Variants in SS18L1 observed in about 807,000 individuals in gnomAD.
SS18L1 encodes the protein SS18L1 subunit of BAF chromatin remodeling complex.
In SS18L1, 32 loss-of-function variants were observed where a neutral mutation model predicts 70.3. The observed-to-expected ratio is 0.46, with a 90% CI of 0.34 to 0.61. SS18L1 has a LOEUF of 0.61. Ranked by LOEUF, SS18L1 falls within the 20% of genes least tolerant of loss-of-function variation. The probability of loss-of-function intolerance (pLI) is 0.01; values close to 1 mark genes in which losing one functional copy is unlikely to be tolerated. For missense variants in SS18L1, 430 were observed against 542.1 expected, an observed-to-expected ratio of 0.79 and a Z score of 2.05; for synonymous variants, 237 against 229.7, an observed-to-expected ratio of 1.03 and a Z score of -0.29.
chr20:62,166,011 A>G (rs532229683), intron 8 of SS18L1, among the ~76,000 whole-genome samples: 3 of 152,336 alleles, frequency 2.0e-5, no homozygotes, highest in African/African-American at 4.8e-5. Context: ...GCCGCCCTTC[A>G]TGGCGGTCCT....
intron 1 of SS18L1, among the ~76,000 whole-genome samples, chr20:62,150,737 T>C (rs757910102): frequency 1.4e-5 from 2 of 142,032 alleles, no homozygotes; most frequent in Non-Finnish European, 3.0e-5. Flanking sequence ...CGTGCAGCCT[T>C]GTCCTCCTGG....
Position 62,161,704 on chromosome 20 carries a change from T to G in SS18L1, c.376+124T>G, listed in dbSNP as rs766237482. On this transcript the variant is annotated intron_variant, in intron 4 of 10. Transcript: ENST00000331758. This position sits in a 1 kb window ranked among gnomAD's most constrained non-coding sequence, Gnocchi z 4.4. ...GGCTGGGCATGGGACCCACTCCTCC[T>G]GGGGTAGCCACAGGTCGGCTGCCAT... is the stretch of plus-strand genomic sequence containing the variant. The G allele has an allele frequency of 7.2e-7, 1 of 1,385,870 alleles. No homozygotes were observed. The highest frequency in any genetic ancestry group is 1.5e-5 in the African/African-American group (1 of 68,766). The allele number at this position is 1,385,870 out of a possible 1,614,324, so 85.8% of individuals were successfully genotyped here. A position where few individuals can be genotyped will look rare whatever the true frequency, so the allele number is the denominator to read the frequency against.
chr20:62,154,779 G>C (rs1234501625), intron 1 of SS18L1, among the ~76,000 whole-genome samples: 4 of 152,204 alleles, frequency 2.6e-5, no homozygotes, highest in East Asian at 1.9e-4. Flanking sequence ...CTTCAGCTCT[G>C]AGAAAATGAT....
chr20:62,160,618 G>A (rs892030198), intron 3 of SS18L1, among the ~76,000 whole-genome samples: 2 of 152,168 alleles, frequency 1.3e-5, no homozygotes, highest in African/African-American at 4.8e-5. Flanking sequence ...CAGTGAAGAC[G>A]AGGTCGTGCT....
In SS18L1 at chr20:62,179,388, GAC is replaced by G. The variant is rs2057674959; in HGVS notation, c.*182_*183del. 1.5e-6 allele frequency: 1 copy of G among 661,598 alleles called. No homozygotes were observed. Among genetic ancestry groups the G allele is most frequent in the South Asian group, 1.8e-5 (1 of 55,790 alleles). 41.0% of individuals were successfully genotyped at this position (661,598 alleles called of 1,614,324 possible). A position where few individuals can be genotyped will look rare whatever the true frequency, so the allele number is the denominator to read the frequency against. ...CGCCGAGCGCACACCACTGGCGTGA[GAC>G]AGCGCTTGGTGGTGTGATACTTTTG... On this transcript the variant is annotated 3_prime_UTR_variant, in exon 11 of 11. Transcript: ENST00000331758.
Position 62,174,108 on chromosome 20 carries a change from G to A in SS18L1, c.1037-409G>A, listed in dbSNP as rs1034388503. Among the ~76,000 whole-genome samples the A allele has an allele frequency of 2.6e-5, 4 of 152,148 alleles. No homozygotes were observed. The highest frequency in any genetic ancestry group is 4.4e-5 in the Non-Finnish European group (3 of 68,034). ...GACGATGTCTCTGTCTCACCTGCCT[G>A]CAGGTTTTCAGCAGCTCCCGTGGTA... On this transcript the variant is annotated intron_variant, in intron 9 of 10. Transcript: ENST00000331758. This position sits in a 1 kb window ranked among gnomAD's most constrained non-coding sequence, Gnocchi z 4.1.
At position 62,159,007 on chromosome 20, in the gene SS18L1, G is replaced by A. The variant is rs1220804360; in HGVS notation, c.146+259G>A. On this transcript the variant is annotated intron_variant, in intron 2 of 10. Coordinates refer to ENST00000331758, the MANE Select transcript of SS18L1 (RefSeq NM_198935.3). This position sits in a 1 kb window ranked among gnomAD's most constrained non-coding sequence, Gnocchi z 4.4. Reference sequence around the variant, plus strand: ...ATATGTCCCGAGAGTCCCCCAGCACGGAGGCCAGATATGTCCCGAGAGTCC... The same window carrying A: ...ATATGTCCCGAGAGTCCCCCAGCACAGAGGCCAGATATGTCCCGAGAGTCC... 6 of 1,462,502 alleles carry A rather than the reference G, an allele frequency of 4.1e-6. No homozygotes were observed. The highest frequency in any genetic ancestry group is 1.2e-5 in the South Asian group (1 of 86,244). The allele number at this position is 1,462,502 out of a possible 1,614,324, so 90.6% of individuals were successfully genotyped here. A position where few individuals can be genotyped will look rare whatever the true frequency, so the allele number is the denominator to read the frequency against.
chr20:62,172,731 G>T lies in SS18L1; in HGVS notation c.966G>T (p.Ala322=). 2 of 1,614,054 alleles carry T rather than the reference G, an allele frequency of 1.2e-6. No homozygotes were observed. The highest frequency in any genetic ancestry group is 2.2e-5 in the South Asian group (2 of 91,080). The part of the protein sequence containing the change: ...QQQAGYQQGA[A]QQQTYSQQQY... ...AGGCCGGGTACCAGCAGGGTGCCGC[G>T]CAGCAGCAGACGTACTCCCAGCAGC... The change falls in exon 9 of 11, where the codon GCG becomes GCT. Residue 322 remains alanine, a synonymous_variant. Transcript: ENST00000331758.
chr20:62,151,211 C>T (rs2057123258), intron 1 of SS18L1, among the ~76,000 whole-genome samples: 1 of 152,194 alleles, frequency 6.6e-6, no homozygotes, highest in African/African-American at 2.4e-5. Flanking sequence ...CCCCAGTTCT[C>T]CGTCCCTGGT....
At position 62,164,264 on chromosome 20, in the gene SS18L1, C is replaced by T; in HGVS notation, c.823+18C>T. 6.5e-7 allele frequency: 1 copy of T among 1,541,934 alleles called. No individual in the cohort carries two copies. The highest frequency in any genetic ancestry group is 8.8e-7 in the Non-Finnish European group (1 of 1,142,770). ...CCCCGACGGTGAGCACTGGCGGCGGCCTGACCCCGCCCAGGAACGCAGAGC... is the reference window on the plus strand; with the variant it reads ...CCCCGACGGTGAGCACTGGCGGCGGTCTGACCCCGCCCAGGAACGCAGAGC... On this transcript the variant is annotated intron_variant, in intron 7 of 10. Coordinates refer to ENST00000331758, the MANE Select transcript of SS18L1 (RefSeq NM_198935.3).
At chr20:62,169,774 C>G (rs1274099169) in intron 8 of SS18L1, among the ~76,000 whole-genome samples, 2 of 148,434 alleles carry the variant, frequency 1.3e-5, no homozygotes, top group Non-Finnish European at 3.0e-5. Context: ...AGCGAGACTC[C>G]ATCTCCAAAA....
At chr20:62,169,024 C>T (rs1287371233) in intron 8 of SS18L1, among the ~76,000 whole-genome samples, 2 of 151,798 alleles carry the variant, frequency 1.3e-5, no homozygotes, top group Non-Finnish European at 2.9e-5. Flanking sequence ...GCCACGGGGT[C>T]ACTTGTGCTG....
chr20:62,151,960 C>T (rs1449404784), intron 1 of SS18L1, among the ~76,000 whole-genome samples: 7 of 149,264 alleles, frequency 4.7e-5, no homozygotes, highest in South Asian at 4.2e-4. Flanking sequence ...TGGCCTCCCC[C>T]GTTCCCCTCT....
intron 1 of SS18L1, among the ~76,000 whole-genome samples, chr20:62,153,098 G>A (rs1000243706): frequency 6.6e-6 from 1 of 152,170 alleles, no homozygotes; most frequent in African/African-American, 2.4e-5. Context: ...ATGGCGGAAG[G>A]GGAAGCAAGG....
In SS18L1 at chr20:62,161,116, G is replaced by A. The variant is rs192189087; in HGVS notation, c.232-320G>A. Among the ~76,000 whole-genome samples the A allele has an allele frequency of 1.0e-3, 153 of 151,714 alleles. 1 individual carries two copies. Among genetic ancestry groups the A allele is most frequent in the African/African-American group, 3.2e-3 (133 of 41,362 alleles). ...CCTGCGCCCGAGGGGGACGGGGTGC[G>A]TTCAGCCTGGTGGGCCGGGAAAGGG... On this transcript the variant is annotated intron_variant, in intron 3 of 10. Transcript: ENST00000331758. This position sits in a 1 kb window ranked among gnomAD's most constrained non-coding sequence, Gnocchi z 4.4.
intron 1 of SS18L1, among the ~76,000 whole-genome samples, chr20:62,155,637 C>T (rs1385729689): frequency 6.6e-6 from 1 of 152,152 alleles, no homozygotes; most frequent in Non-Finnish European, 1.5e-5. Context: ...AAGCATCTTT[C>T]CTCCAGGCTG....
intron 1 of SS18L1, among the ~76,000 whole-genome samples, chr20:62,154,080 G>A (rs963142069): frequency 1.3e-5 from 2 of 152,288 alleles, no homozygotes; most frequent in Middle Eastern, 3.4e-3. Context: ...TGCTGCCAAC[G>A]AGGACATGAC....
intron 4 of SS18L1, chr20:62,162,519 G>A (rs2057348245): frequency 2.1e-6 from 1 of 485,548 alleles, no homozygotes; most frequent in Non-Finnish European, 3.6e-6. Context: ...GTCCAGGCTG[G>A]TTTCGAACTC....
chr20:62,179,080 C>G lies in SS18L1; in HGVS notation c.1165-102C>G, dbSNP rs2057669413. 5 of 1,300,284 alleles carry G rather than the reference C, an allele frequency of 3.8e-6. No individual in the cohort carries two copies. The Middle Eastern group carries it at 7.4e-4, about 192-fold the overall frequency. The allele number at this position is 1,300,284 out of a possible 1,614,324, so 80.5% of individuals were successfully genotyped here. The stretch of plus-strand genomic sequence containing the variant: ...CAGAGATGTGAGCAGAGGTTGTTTG[C>G]TTGCTGTTGTCCCTCCTACCCCCTG... On this transcript the variant is annotated intron_variant, in intron 10 of 10. Transcript: ENST00000331758.
Sources: allele counts gnomAD v4.1 joint callset (sites outside exome capture counted in the v4.1 genomes callset), GRCh38; gene constraint gnomAD v4.1.1; non-coding constraint Gnocchi (gnomAD v3.1); transcripts MANE v1.5; gene names NCBI Gene and HGNC (gene_info 2026-07-23, HGNC 2026-07-21).